The following WDR11 variants were observed in gnomAD, a reference collection of about 807,000 sequenced individuals.
WDR11 encodes WD repeat domain 11, also known as WD repeat-containing protein 11.
Under a neutral mutation model 151.2 loss-of-function variants are expected in WDR11, and 83 were observed. That is an observed-to-expected ratio of 0.55 (90% CI 0.46 to 0.66). The LOEUF is 0.66. WDR11 is among the 30% of genes least tolerant of loss of function. The pLI is 0.00. For missense variants in WDR11, 1,301 were observed against 1,480.9 expected (o/e 0.88, Z 1.99); for synonymous variants, 484 against 533.1 (o/e 0.91, Z 1.27).
At chr10:120,903,293 C>A in intron 23 of WDR11, 61 bp downstream of exon 23, 2 of 1,586,640 alleles carry the variant, frequency 1.3e-6, no homozygotes, top group South Asian at 1.1e-5. Flanking sequence ...ATATCTTTGT[C>A]AATATCTTAA....
chr10:120,896,375 T>TC (rs1266483130), intron 19 of WDR11, among the ~76,000 whole-genome samples: 1 of 152,198 alleles, frequency 6.6e-6, no homozygotes, highest in South Asian at 2.1e-4. Flanking sequence ...AACTTCTCTA[T>TC]CTTTGTTATA....
In WDR11 at chr10:120,858,685, C is replaced by T; in HGVS notation, c.241C>T (p.Pro81Ser). The T allele has an allele frequency of 6.2e-7, 1 of 1,614,230 alleles. No homozygotes were observed. Among genetic ancestry groups the T allele is most frequent in the South Asian group, 1.1e-5 (1 of 91,086 alleles). ...AAACTATCACCATAACATTGGCTCA[C>T]CATATTGCTTACGGTTAGCTTCTGC... ...RENYHHNIGSPYCLRLASADV... is the reference protein window; with the variant it reads ...RENYHHNIGSSYCLRLASADV... Residue 81 changes from proline to serine, a missense_variant, in exon 3 of 29, where the codon CCA (proline) becomes TCA (serine). By Grantham distance (74) the Pro-to-Ser change is moderately conservative. This residue lies in a region of WDR11 where 692 missense variants were observed against 762.5 expected (regional missense o/e 0.91). Transcript: ENST00000263461.
rs1383123786 is a variant in WDR11, at chr10:120,905,356, A to G, written c.3231A>G (p.Ala1077=). 6.2e-7 allele frequency: 1 copy of G among 1,614,180 alleles called. No individual in the cohort carries two copies. The change falls in exon 26 of 29, where the codon GCA becomes GCG. Residue 1077 remains alanine, a synonymous_variant. Coordinates refer to ENST00000263461, the MANE Select transcript of WDR11 (RefSeq NM_018117.12). ...TGCTCTGCCTGATAGATAAGGCTGC[A>G]GACGCCTGCCGCTACCTGCAGACAT... ...VQLLCLIDKA[A]DACRYLQTYG...
At position 120,851,444 on chromosome 10, in the gene WDR11, C is replaced by G. The variant is rs140396404; in HGVS notation, c.24C>G (p.Phe8Leu). ...GGATGTTGCCCTACACAGTGAACTT[C>G]AAGGTGTCGGCGCGCACCCTCACGG... Reference protein sequence around the residue: MLPYTVNFKVSARTLTGA... With the variant: MLPYTVNLKVSARTLTGA... The change falls in exon 1 of 29, where the codon TTC (phenylalanine) becomes TTG (leucine). Residue 8 changes from phenylalanine to leucine, a missense_variant. Physicochemically the swap from Phe to Leu is conservative, Grantham distance 22. Transcript: ENST00000263461. The G allele has an allele frequency of 6.2e-7, 1 of 1,612,146 alleles. No homozygotes were observed.
At chr10:120,859,170 T>A (rs1846046948) in intron 3 of WDR11, among the ~76,000 whole-genome samples, 1 of 152,178 alleles carries the variant, frequency 6.6e-6, no homozygotes, top group Non-Finnish European at 1.5e-5. Flanking sequence ...ATTTGTTCAT[T>A]ATCAGAGATG....
chr10:120,854,396 A>G (rs1289718651), intron 2 of WDR11, among the ~76,000 whole-genome samples: 3 of 152,246 alleles, frequency 2.0e-5, no homozygotes, highest in African/African-American at 7.2e-5. Flanking sequence ...GTAAGGATGT[A>G]TCACATTTAT....
At chr10:120,897,680 A>AG (rs1388182360) in intron 19 of WDR11, among the ~76,000 whole-genome samples, 2 of 152,182 alleles carry the variant, frequency 1.3e-5, no homozygotes, top group Non-Finnish European at 2.9e-5. Flanking sequence ...AAAAATGAAA[A>AG]GGTCACATAA....
At chr10:120,894,048 T>G (rs1847518543) in intron 19 of WDR11, among the ~76,000 whole-genome samples, 1 of 151,846 alleles carries the variant, frequency 6.6e-6, no homozygotes, top group Non-Finnish European at 1.5e-5. Flanking sequence ...TTTTGGCTTT[T>G]GTTGCCATTG....
At chr10:120,878,271 T>A in intron 11 of WDR11, 82 bp from the exon 12 acceptor site, 1 of 1,162,652 alleles carries the variant, frequency 8.6e-7, no homozygotes, top group Non-Finnish European at 1.3e-6. Flanking sequence ...TTTAGGTCTT[T>A]GGAAAACTTA....
intron 11 of WDR11, among the ~76,000 whole-genome samples, chr10:120,877,826 T>C (rs969419325): frequency 2.0e-5 from 3 of 152,224 alleles, no homozygotes; most frequent in Non-Finnish European, 2.9e-5. Context: ...CGGGGACTCA[T>C]GACAGCAGAT....
At chr10:120,901,681 CATG>C (rs970988744) in intron 21 of WDR11, among the ~76,000 whole-genome samples, 1 of 152,150 alleles carries the variant, frequency 6.6e-6, no homozygotes, top group African/African-American at 2.4e-5. Flanking sequence ...ACAAATTAAG[CATG>C]ATATTTTATT....
chr10:120,904,116 A>G lies in WDR11; in HGVS notation c.3001A>G (p.Thr1001Ala). Residue 1001 changes from threonine (T) to alanine (A), a missense_variant, in exon 24 of 29, where the codon ACA (threonine) becomes GCA (alanine). This residue lies in a region of WDR11 where 589 missense variants were observed against 670.6 expected (regional missense o/e 0.88). Transcript: ENST00000263461. Reference protein sequence around the residue: ...RSTYDHTRKCTDQLLLLGQTD... With the variant: ...RSTYDHTRKCADQLLLLGQTD... Reference sequence around the variant, plus strand: ...AACTTATGATCATACAAGGAAATGTACAGACCAGCTACTGCTCTTGGGTCA... The same window carrying G: ...AACTTATGATCATACAAGGAAATGTGCAGACCAGCTACTGCTCTTGGGTCA... The G allele has an allele frequency of 1.9e-6, 3 of 1,613,450 alleles. No individual in the cohort carries two copies. The highest frequency in any genetic ancestry group is 2.5e-6 in the Non-Finnish European group (3 of 1,179,480).
At position 120,900,053 on chromosome 10, in the gene WDR11, T is replaced by C; in HGVS notation, c.2540T>C (p.Leu847Pro). 1 of 1,614,082 alleles carries C rather than the reference T, an allele frequency of 6.2e-7. No homozygotes were observed. Among genetic ancestry groups the C allele is most frequent in the Non-Finnish European group, 8.5e-7 (1 of 1,179,956 alleles). The change falls in exon 20 of 29, where the codon CTT (leucine) becomes CCT (proline). Residue 847 changes from leucine (L) to proline (P), a missense_variant. Physicochemically the swap from Leu to Pro is moderately conservative, Grantham distance 98. This residue lies in a region of WDR11 where 589 missense variants were observed against 670.6 expected (regional missense o/e 0.88). Coordinates refer to ENST00000263461, the MANE Select transcript of WDR11 (RefSeq NM_018117.12). ...GAGCCTGTGTGGTGCCCCTATCTCC[T>C]TGTTCCAAGGGCCTCTCTTGCCTTG... ...LTEPVWCPYL[L>P]VPRASLALKA...
chr10:120,871,422 C>T, intron 10 of WDR11, 76 bp downstream of exon 10: 1 of 1,445,184 alleles, frequency 6.9e-7, no homozygotes, highest in African/African-American at 1.4e-5. Flanking sequence ...CTAGAAGATC[C>T]TTTATTCTTT....
chr10:120,892,073 T>G (rs1028216522), intron 19 of WDR11, among the ~76,000 whole-genome samples: 2 of 152,248 alleles, frequency 1.3e-5, no homozygotes, highest in Non-Finnish European at 2.9e-5. Context: ...TTACTAATTC[T>G]AGATAAAGAA....
intron 5 of WDR11, among the ~76,000 whole-genome samples, chr10:120,863,749 T>C (rs538405958): frequency 6.6e-6 from 1 of 152,272 alleles, no homozygotes; most frequent in South Asian, 2.1e-4. Flanking sequence ...CTAGGCTTGG[T>C]GAGTAACTAC....
Position 120,905,375 on chromosome 10 carries a change from C to A in WDR11, c.3250C>A (p.Gln1084Lys), listed in dbSNP as rs1847995709. ...DKAADACRYL[Q>K]TYGEWNRAAW... ...GGCTGCAGACGCCTGCCGCTACCTG[C>A]AGACATACGGCGAGTGGAATCGGGC... The change falls in exon 26 of 29, where the codon CAG becomes AAG. Residue 1084 changes from glutamine (Q) to lysine (K), a missense_variant. Coordinates refer to ENST00000263461, the MANE Select transcript of WDR11 (RefSeq NM_018117.12). 1.2e-6 allele frequency: 2 copies of A among 1,614,168 alleles called. No individual in the cohort carries two copies. Among genetic ancestry groups the A allele is most frequent in the Non-Finnish European group, 1.7e-6 (2 of 1,180,036 alleles).
At chr10:120,901,443 C>T (rs576761726) in intron 21 of WDR11, among the ~76,000 whole-genome samples, 3 of 152,278 alleles carry the variant, frequency 2.0e-5, no homozygotes, top group East Asian at 1.9e-4. Context: ...GGAGACGAAT[C>T]GCAGGGTGAT....
intron 14 of WDR11, among the ~76,000 whole-genome samples, chr10:120,885,283 A>T (rs1424345002): frequency 7.6e-6 from 1 of 130,774 alleles, no homozygotes. Flanking sequence ...ATATATATAT[A>T]TATACACACA....
Sources: gnomAD v4.1 joint callset for allele counts (sites outside exome capture counted in the v4.1 genomes callset) on GRCh38, gnomAD v4.1.1 for gene constraint, gnomAD v4.1.1 regional missense constraint, MANE v1.5 for transcripts, NCBI Gene and HGNC (gene_info 2026-07-23, HGNC 2026-07-21) for gene names.